Variants in RAB3C observed in about 807,000 individuals in gnomAD.
The protein encoded by RAB3C is RAB3C, member RAS oncogene family.
RAB3C carries 17 observed loss-of-function variants against 26.4 expected under a neutral mutation model. The observed-to-expected ratio is 0.64, with a 90% CI of 0.44 to 0.97. The LOEUF (loss-of-function observed/expected upper bound fraction) is 0.97. Among genes scored for constraint, RAB3C ranks in the 50% least tolerant of loss-of-function variants. The pLI is 0.00. For synonymous variants in RAB3C, 91 were observed against 95.9 expected (o/e 0.95, Z 0.30); for missense variants, 242 against 281.9 (o/e 0.86, Z 1.01).
Position 58,851,518 on chromosome 5 carries a change from G to A in RAB3C, c.*167G>A, listed in dbSNP as rs1250986794. ...TCTTGGGAGCTTTCCTGTTTAATAT[G>A]TGGCAAATATGTGATCTTAAATTTA... On this transcript the variant is annotated 3_prime_UTR_variant, in exon 5 of 5. Coordinates refer to ENST00000282878, the MANE Select transcript of RAB3C (RefSeq NM_138453.4). 1 of 489,204 alleles carries A rather than the reference G, an allele frequency of 2.0e-6. No homozygotes were observed. The highest frequency in any genetic ancestry group is 3.5e-6 in the Non-Finnish European group (1 of 287,844). The allele number at this position is 489,204 out of a possible 1,614,324, so 30.3% of individuals were successfully genotyped here.
intron 4 of RAB3C, among the ~76,000 whole-genome samples, chr5:58,832,258 G>A (rs959393026): frequency 5.3e-5 from 8 of 152,112 alleles, no homozygotes; most frequent in East Asian, 3.8e-4. Context: ...ACAACAGAAC[G>A]TAATTATTAG....
intron 2 of RAB3C, among the ~76,000 whole-genome samples, chr5:58,661,322 CT>C (rs1181612387): frequency 1.3e-5 from 2 of 149,984 alleles, no homozygotes; most frequent in East Asian, 1.9e-4. Context: ...GTGCCGATAT[CT>C]TTTTTTCTTC....
At chr5:58,729,343 C>A (rs1740954739) in intron 3 of RAB3C, among the ~76,000 whole-genome samples, 1 of 151,866 alleles carries the variant, frequency 6.6e-6, no homozygotes, top group South Asian at 2.1e-4. Context: ...TCAACCATCA[C>A]CACCATCCAG....
chr5:58,763,845 G>A (rs942345142), intron 3 of RAB3C, among the ~76,000 whole-genome samples: 1 of 152,160 alleles, frequency 6.6e-6, no homozygotes, highest in African/African-American at 2.4e-5. Context: ...ATGGCTGATG[G>A]CATCATAATA....
intron 3 of RAB3C, among the ~76,000 whole-genome samples, chr5:58,789,669 C>A (rs1364524147): frequency 6.6e-6 from 1 of 152,130 alleles, no homozygotes; most frequent in Non-Finnish European, 1.5e-5. Flanking sequence ...AGTTTATGTT[C>A]TTTCCACTTT....
rs1205330231 is a variant in RAB3C, at chr5:58,845,272, T to C, written c.497-5892T>C. On this transcript the variant is annotated intron_variant, in intron 4 of 4. Coordinates refer to ENST00000282878, the MANE Select transcript of RAB3C (RefSeq NM_138453.4). ...GGCTTCCTTTGCTCTAAGGACCTCC[T>C]GGGAGCAAAGTGGACAGAAGAGTGT... Among the ~76,000 whole-genome samples the C allele has an allele frequency of 2.6e-5, 4 of 152,062 alleles. No individual in the cohort carries two copies. In the South Asian group the frequency reaches 6.2e-4, roughly 24 times the overall value.
rs556014602 is a variant in RAB3C at position 58,802,467 on chromosome 5, C to T, written c.372-22571C>T. 3.2e-4 allele frequency among the ~76,000 whole-genome samples: 49 copies of T among 152,282 alleles called. 2 individuals carry two copies. In the South Asian group the frequency reaches 0.01, roughly 32 times the overall value. ...ATGCAGAGTTTGCAGAAAGAAATGT[C>T]AACTCATACCTAACGGCCACGGCTG... On this transcript the variant is annotated intron_variant, in intron 3 of 4. Coordinates refer to ENST00000282878, the MANE Select transcript of RAB3C (RefSeq NM_138453.4).
intron 3 of RAB3C, among the ~76,000 whole-genome samples, chr5:58,752,169 G>C (rs1239305646): frequency 2.6e-5 from 4 of 152,088 alleles, no homozygotes; most frequent in Non-Finnish European, 5.9e-5. Flanking sequence ...TCAATTTCCT[G>C]AACTCTGTAA....
intron 2 of RAB3C, among the ~76,000 whole-genome samples, chr5:58,660,656 C>G (rs182929237): frequency 6.7e-6 from 1 of 150,340 alleles, no homozygotes; most frequent in East Asian, 1.9e-4. Flanking sequence ...GATAGACCAA[C>G]GCTGATTAGT....
intron 3 of RAB3C, among the ~76,000 whole-genome samples, chr5:58,775,232 C>CA (rs1222888129): frequency 6.6e-6 from 1 of 152,084 alleles, no homozygotes; most frequent in African/African-American, 2.4e-5. Context: ...TTCATGCCCC[C>CA]AGTGCTCTTC....
chr5:58,602,092 GA>G (rs577425237), intron 1 of RAB3C, among the ~76,000 whole-genome samples: 490 of 151,978 alleles, frequency 3.2e-3, no homozygotes, highest in African/African-American at 0.011. Context: ...TTTCCATCCT[GA>G]TTTTTTTTTG....
intron 2 of RAB3C, among the ~76,000 whole-genome samples, chr5:58,668,729 A>AT (rs1029403012): frequency 1.3e-4 from 19 of 151,284 alleles, no homozygotes; most frequent in Admixed American, 4.6e-4. Flanking sequence ...TGTTCTAATC[A>AT]TTTTTTTTTC....
At chr5:58,825,305 G>A in intron 4 of RAB3C, 143 bp downstream of exon 4, 2 of 897,018 alleles carry the variant, frequency 2.2e-6, no homozygotes, top group Non-Finnish European at 3.1e-6. Flanking sequence ...TCCTCCCTAA[G>A]TGGACAATAT....
chr5:58,630,773 C>T (rs1747171301), intron 2 of RAB3C, among the ~76,000 whole-genome samples: 1 of 152,160 alleles, frequency 6.6e-6, no homozygotes, highest in Non-Finnish European at 1.5e-5. Context: ...TTTTCAATAC[C>T]ACTGCTCTAG....
At chr5:58,780,348 G>A (rs1742243009) in intron 3 of RAB3C, among the ~76,000 whole-genome samples, 1 of 152,134 alleles carries the variant, frequency 6.6e-6, no homozygotes, top group Admixed American at 6.6e-5. Flanking sequence ...GAAAATCAAA[G>A]CATTGTGCCT....
chr5:58,683,323 C>A (rs1748384288), intron 2 of RAB3C, among the ~76,000 whole-genome samples: 2 of 152,128 alleles, frequency 1.3e-5, no homozygotes, highest in Admixed American at 6.5e-5. Context: ...ATATACTTTT[C>A]CTCCTGGTCT....
chr5:58,844,073 T>C (rs138116882), intron 4 of RAB3C, among the ~76,000 whole-genome samples: 239 of 152,308 alleles, frequency 1.6e-3, no homozygotes, highest in African/African-American at 4.8e-3. Context: ...CACAGTGGAA[T>C]GTACATTCTA....
At chr5:58,674,569 T>C (rs1417753266) in intron 2 of RAB3C, among the ~76,000 whole-genome samples, 1 of 152,238 alleles carries the variant, frequency 6.6e-6, no homozygotes, top group Non-Finnish European at 1.5e-5. Context: ...GTCAAAAAGA[T>C]CTGTTCAACT....
chr5:58,727,621 C>T (rs931218809), intron 3 of RAB3C, among the ~76,000 whole-genome samples: 4 of 151,820 alleles, frequency 2.6e-5, no homozygotes, highest in Admixed American at 6.6e-5. Context: ...AAGTTAGTGA[C>T]AAAAAGGTTG....
Sources: gnomAD v4.1 joint callset for allele counts (sites outside exome capture counted in the v4.1 genomes callset) on GRCh38, gnomAD v4.1.1 for gene constraint, MANE v1.5 for transcripts, NCBI Gene and HGNC (gene_info 2026-07-23, HGNC 2026-07-21) for gene names.